PAX3: variants seen among roughly 807,000 people sequenced by gnomAD.
The protein encoded by PAX3 is paired box 3.
In PAX3, 14 loss-of-function variants were observed where a neutral mutation model predicts 51.6. The observed-to-expected ratio is 0.27, with a 90% confidence interval of 0.18 to 0.42. The LOEUF is 0.42. Among genes scored for constraint, PAX3 ranks in the 10% least tolerant of loss-of-function variants. PAX3 has a pLI of 1.00. For missense variants in PAX3, 540 were observed against 642.8 expected (o/e 0.84, Z 1.73); for synonymous variants, 280 against 253.4 (o/e 1.11, Z -1.00).
chr2:222,218,580 G>A (rs911571352), intron 7 of PAX3, among the ~76,000 whole-genome samples: 20 of 152,184 alleles, frequency 1.3e-4, no homozygotes, highest in Admixed American at 8.5e-4. Context: ...AAAAAATCGC[G>A]GAGATAAGTA....
chr2:222,253,327 G>A (rs979337174), intron 4 of PAX3, among the ~76,000 whole-genome samples: 2 of 152,170 alleles, frequency 1.3e-5, no homozygotes, highest in African/African-American at 4.8e-5. Flanking sequence ...TAAAATACAG[G>A]TAAATTATAG....
chr2:222,298,180 A>G (rs747001893), intron 1 of PAX3: 14 of 329,178 alleles, frequency 4.3e-5, no homozygotes, highest in Non-Finnish European at 7.9e-5. Flanking sequence ...TTTCGAGACA[A>G]CTTCGAGACA....
intron 4 of PAX3, among the ~76,000 whole-genome samples, chr2:222,248,460 C>A (rs1341947828): frequency 6.6e-6 from 1 of 152,212 alleles, no homozygotes; most frequent in African/African-American, 2.4e-5. Flanking sequence ...CAATGCCCCT[C>A]CCTTCTCTGT....
At chr2:222,206,594 C>T (rs1237775428) in intron 7 of PAX3, among the ~76,000 whole-genome samples, 1 of 152,076 alleles carries the variant, frequency 6.6e-6, no homozygotes, top group Non-Finnish European at 1.5e-5. Flanking sequence ...AACTCATTCT[C>T]AAGTTTCAGA....
intron 4 of PAX3, among the ~76,000 whole-genome samples, chr2:222,251,739 G>A (rs918257714): frequency 6.6e-6 from 1 of 152,154 alleles, no homozygotes; most frequent in South Asian, 2.1e-4. Flanking sequence ...GTGTAAAAGT[G>A]TTCCTATTTC....
chr2:222,280,704 C>T (rs541402827), intron 4 of PAX3, among the ~76,000 whole-genome samples: 1 of 152,246 alleles, frequency 6.6e-6, no homozygotes, highest in Admixed American at 6.5e-5. Context: ...GGAGAAGACC[C>T]AGAGGAGCCA....
At chr2:222,264,526 A>G (rs551008248) in intron 4 of PAX3, 1 of 152,334 alleles carries the variant, frequency 6.6e-6, no homozygotes, top group East Asian at 1.9e-4. Context: ...TCACTTTAAA[A>G]CAGTTAATTT....
chr2:222,265,227 T>A (rs1281979061), intron 4 of PAX3: 1 of 152,242 alleles, frequency 6.6e-6, no homozygotes, highest in Non-Finnish European at 1.5e-5. Context: ...TTGCTGTACA[T>A]GTCTCATAAA....
Position 222,202,116 on chromosome 2 carries a change from G to C in PAX3, c.1248C>G (p.Thr416=). Residue 416 remains threonine, a synonymous_variant, in exon 8 of 9, where the codon ACC becomes ACG. Transcript: ENST00000392070. ...CCGTGGTGGTAGGTTCCAGACCCCC[G>C]GTGAGAGGGGAGAGCGCGTAATCAG... ...PQTDYALSPL[T]GGLEPTTTVS... The C allele has an allele frequency of 6.2e-7, 1 of 1,613,666 alleles. No homozygotes were observed. Among genetic ancestry groups the C allele is most frequent in the Non-Finnish European group, 8.5e-7 (1 of 1,179,872 alleles).
intron 4 of PAX3, among the ~76,000 whole-genome samples, chr2:222,236,538 C>G (rs1467327484): frequency 6.6e-6 from 1 of 152,134 alleles, no homozygotes; most frequent in Admixed American, 6.5e-5. Context: ...TACAAAGAAT[C>G]TAATTCTAAA....
At chr2:222,289,116 G>T (rs1242154462) in intron 4 of PAX3, among the ~76,000 whole-genome samples, 1 of 152,152 alleles carries the variant, frequency 6.6e-6, no homozygotes, top group African/African-American at 2.4e-5. Context: ...TTAGTGTCTT[G>T]TTAGTTATAT....
intron 5 of PAX3, among the ~76,000 whole-genome samples, chr2:222,225,946 C>T (rs118144678): frequency 6.7e-4 from 102 of 152,210 alleles, no homozygotes; most frequent in Admixed American, 4.6e-3. Flanking sequence ...AATTGAAAGC[C>T]GGTTTGACTT....
At chr2:222,276,840 T>C (rs1284122305) in intron 4 of PAX3, among the ~76,000 whole-genome samples, 7 of 152,218 alleles carry the variant, frequency 4.6e-5, no homozygotes, top group Non-Finnish European at 1.5e-5. Flanking sequence ...AGATCCCCCC[T>C]AAGGGGCTCC....
chr2:222,215,936 G>T (rs1406843127), intron 7 of PAX3, among the ~76,000 whole-genome samples: 1 of 152,140 alleles, frequency 6.6e-6, no homozygotes, highest in Admixed American at 6.6e-5. Flanking sequence ...AAAAGGTTAT[G>T]CAGTTCAAAC....
intron 4 of PAX3, among the ~76,000 whole-genome samples, chr2:222,291,968 A>AGG (rs1491248081): frequency 1.9e-5 from 2 of 106,886 alleles, no homozygotes; most frequent in African/African-American, 3.7e-5. Flanking sequence ...TCAGCCTCCA[A>AGG]GGTGTGTGTG....
At chr2:222,262,894 C>A (rs1045617619) in intron 4 of PAX3, 2 of 152,108 alleles carry the variant, frequency 1.3e-5, no homozygotes, top group Non-Finnish European at 2.9e-5. Flanking sequence ...GACTTTTCAA[C>A]CAACAGTGTT....
rs1041226823 is a variant in PAX3 at position 222,298,818 on chromosome 2, G to A, written c.-203C>T. ...GCTGGAACCCGGGAAAGGGGAGGAC[G>A]GGGAGGCCCCGGAGTCCAGGATCCC... On this transcript the variant is annotated 5_prime_UTR_variant, in exon 1 of 9. Transcript: ENST00000392070. 10 of 617,304 alleles carry A rather than the reference G, an allele frequency of 1.6e-5. No homozygotes were observed. The highest frequency in any genetic ancestry group is 1.0e-4 in the Admixed American group (4 of 38,246). 38.2% of individuals were successfully genotyped at this position (617,304 alleles called of 1,614,324 possible).
chr2:222,242,213 G>T (rs181310748), intron 4 of PAX3, among the ~76,000 whole-genome samples: 1 of 152,104 alleles, frequency 6.6e-6, no homozygotes, highest in African/African-American at 2.4e-5. Context: ...AGTGTGTTTC[G>T]TCCATTGAAC....
chr2:222,210,894 A>G lies in PAX3; in HGVS notation c.1174-8704T>C, dbSNP rs374397285. On this transcript the variant is annotated intron_variant, in intron 7 of 8. Transcript: ENST00000392070. ...ACATAATTTTTTTTTCTGAGACAGAATCTCACTCTGTCACCTAGGCTGAGT... is the reference window on the plus strand; with the variant it reads ...ACATAATTTTTTTTTCTGAGACAGAGTCTCACTCTGTCACCTAGGCTGAGT... 1.5e-4 allele frequency among the ~76,000 whole-genome samples: 23 copies of G among 152,154 alleles called. No homozygotes were observed. In the South Asian group the frequency reaches 4.6e-3, roughly 30 times the overall value.
Sources: allele counts gnomAD v4.1 joint callset (sites outside exome capture counted in the v4.1 genomes callset), GRCh38; gene constraint gnomAD v4.1.1; transcripts MANE v1.5; gene names NCBI Gene and HGNC (gene_info 2026-07-23, HGNC 2026-07-21).